Variants in PTPRT observed in about 807,000 individuals in gnomAD.
PTPRT encodes receptor-type tyrosine-protein phosphatase T.
PTPRT carries 56 observed loss-of-function variants against 176.8 expected under a neutral mutation model. That is an observed-to-expected ratio of 0.32 (90% CI 0.26 to 0.40). The LOEUF (loss-of-function observed/expected upper bound fraction) is 0.40, where lower values mean the gene tolerates loss of function less well. PTPRT is among the 10% of genes least tolerant of loss of function. PTPRT has a pLI of 1.00. For missense variants in PTPRT, 1,540 were observed against 1,908.2 expected (o/e 0.81, Z 3.60); for synonymous variants, 783 against 739.0 (o/e 1.06, Z -0.96).
At chr20:42,733,905 G>T (rs1327579864) in intron 6 of PTPRT, among the ~76,000 whole-genome samples, 1 of 152,186 alleles carries the variant, frequency 6.6e-6, no homozygotes. Flanking sequence ...TGGCAATGTG[G>T]GCAGGAAAAG....
chr20:42,751,843 G>T (rs2076774983), intron 6 of PTPRT, among the ~76,000 whole-genome samples: 1 of 152,210 alleles, frequency 6.6e-6, no homozygotes, highest in East Asian at 1.9e-4. Context: ...AACTCTAACT[G>T]AGCCACTACT....
At chr20:43,163,069 G>A (rs2014742927) in intron 1 of PTPRT, among the ~76,000 whole-genome samples, 1 of 152,198 alleles carries the variant, frequency 6.6e-6, no homozygotes, top group South Asian at 2.1e-4. Context: ...AGAAGAACTG[G>A]CTAGGAAGAG....
chr20:42,816,162 G>A (rs1311195728), intron 2 of PTPRT, among the ~76,000 whole-genome samples: 3 of 152,166 alleles, frequency 2.0e-5, no homozygotes, highest in Non-Finnish European at 4.4e-5. Context: ...CAGTAGGACA[G>A]GTGGCTCTGG....
intron 11 of PTPRT, among the ~76,000 whole-genome samples, chr20:42,321,941 T>C (rs1399920278): frequency 1.3e-5 from 2 of 152,068 alleles, no homozygotes; most frequent in African/African-American, 4.8e-5. Flanking sequence ...GGCGCAGTGG[T>C]GGGCGCCTGT....
At chr20:42,064,012 A>C in the PTPRT span, 1 of 151,620 alleles carries the variant, frequency 6.6e-6, no homozygotes, top group African/African-American at 2.4e-5. Flanking sequence ...GTAAGAGAGG[A>C]GTTTTCCCTG....
Position 42,823,832 on chromosome 20 carries a change from T to C in PTPRT, c.215-32366A>G, listed in dbSNP as rs552729680. Among the ~76,000 whole-genome samples the C allele has an allele frequency of 2.4e-4, 36 of 151,452 alleles. No homozygotes were observed. In the South Asian group the frequency reaches 7.1e-3, roughly 30 times the overall value. The stretch of plus-strand genomic sequence containing the variant: ...AATAATAGAAAAGCAAGAGATAAAA[T>C]TACCATTATTTTCCTGATGATATGA... On this transcript the variant is annotated intron_variant, in intron 2 of 30. Coordinates refer to ENST00000373187, the MANE Select transcript of PTPRT (RefSeq NM_007050.6).
chr20:42,461,663 C>A (rs2071022255), intron 8 of PTPRT, among the ~76,000 whole-genome samples: 1 of 152,190 alleles, frequency 6.6e-6, no homozygotes, highest in South Asian at 2.1e-4. Flanking sequence ...ATATTGCCAA[C>A]TGGTTAAGTA....
intron 1 of PTPRT, among the ~76,000 whole-genome samples, chr20:43,153,832 G>A (rs1265377018): frequency 6.6e-6 from 1 of 152,208 alleles, no homozygotes; most frequent in Non-Finnish European, 1.5e-5. Context: ...GCACAGAGAA[G>A]GCAAGAGGAT....
chr20:43,187,471 C>G (rs1600783884), intron 1 of PTPRT, among the ~76,000 whole-genome samples: 1 of 150,944 alleles, frequency 6.6e-6, no homozygotes, highest in East Asian at 1.9e-4. Context: ...ATGAGGAACC[C>G]TGGGGAAAAA....
intron 9 of PTPRT, among the ~76,000 whole-genome samples, chr20:42,386,208 G>A (rs567105203): frequency 6.6e-6 from 1 of 152,300 alleles, no homozygotes; most frequent in East Asian, 1.9e-4. Flanking sequence ...AATGGGGCTG[G>A]AGAGGTGAGC....
the PTPRT span, among the ~76,000 whole-genome samples, chr20:42,057,595 T>C: frequency 1.3e-5 from 2 of 151,528 alleles, no homozygotes; most frequent in African/African-American, 4.8e-5. Context: ...ATTGTTCTTA[T>C]CTTTTTTTTT....
At chr20:42,374,663 T>C (rs2058629748) in intron 9 of PTPRT, among the ~76,000 whole-genome samples, 1 of 152,158 alleles carries the variant, frequency 6.6e-6, no homozygotes, top group Admixed American at 6.5e-5. Flanking sequence ...ATATTACCAA[T>C]GGGGGGAAAA....
chr20:42,375,729 A>G (rs1241878501), intron 9 of PTPRT, among the ~76,000 whole-genome samples: 2 of 152,232 alleles, frequency 1.3e-5, no homozygotes, highest in South Asian at 4.1e-4. Flanking sequence ...ATGGATAGAT[A>G]GGCAGATTTT....
chr20:42,170,720 T>G (rs1990042968), intron 16 of PTPRT, among the ~76,000 whole-genome samples: 2 of 152,156 alleles, frequency 1.3e-5, no homozygotes, highest in African/African-American at 4.8e-5. Flanking sequence ...AAAAGACATT[T>G]TTAGAGAAAA....
intron 1 of PTPRT, among the ~76,000 whole-genome samples, chr20:43,187,246 C>G (rs1291316398): frequency 6.6e-6 from 1 of 152,078 alleles, no homozygotes; most frequent in Non-Finnish European, 1.5e-5. Flanking sequence ...ATTTTCAGAT[C>G]AAAAGAACAT....
At chr20:42,362,242 C>A (rs1357033362) in intron 9 of PTPRT, among the ~76,000 whole-genome samples, 1 of 151,688 alleles carries the variant, frequency 6.6e-6, no homozygotes, top group African/African-American at 2.4e-5. Flanking sequence ...ACTCCAGCTT[C>A]GGTGACAGAG....
chr20:42,583,090 A>G (rs1333635700), intron 7 of PTPRT, among the ~76,000 whole-genome samples: 7 of 152,292 alleles, frequency 4.6e-5, no homozygotes, highest in Admixed American at 2.0e-4. Flanking sequence ...ACATGCAAAT[A>G]TATGTTTTTT....
At chr20:42,154,917 T>G (rs1989287667) in intron 17 of PTPRT, among the ~76,000 whole-genome samples, 1 of 152,122 alleles carries the variant, frequency 6.6e-6, no homozygotes, top group Non-Finnish European at 1.5e-5. Context: ...CACATGCTCT[T>G]GACTTTAATA....
chr20:42,641,150 G>C (rs1178478033), intron 7 of PTPRT, among the ~76,000 whole-genome samples: 1 of 152,026 alleles, frequency 6.6e-6, no homozygotes, highest in African/African-American at 2.4e-5. Context: ...ATTTTCCTAG[G>C]TTTGAATTAA....
Sources: allele counts gnomAD v4.1 joint callset (sites outside exome capture counted in the v4.1 genomes callset), GRCh38; gene constraint gnomAD v4.1.1; transcripts MANE v1.5; gene names NCBI Gene and HGNC (gene_info 2026-07-23, HGNC 2026-07-21).